The following PCDHGA1 variants were observed in gnomAD, a reference collection of about 807,000 sequenced individuals.
PCDHGA1 encodes protocadherin gamma-A1.
PCDHGA1 carries 32 observed loss-of-function variants against 58.0 expected under a neutral mutation model. That is an observed-to-expected ratio of 0.55 (90% confidence interval 0.42 to 0.74). The LOEUF (loss-of-function observed/expected upper bound fraction) is 0.74. PCDHGA1 is among the 30% of genes least tolerant of loss of function. The pLI, the probability that PCDHGA1 is intolerant of heterozygous loss-of-function variation, is 0.00. For synonymous variants in PCDHGA1, 498 were observed against 501.1 expected, an observed-to-expected ratio of 0.99 and a Z score of 0.08; for missense variants, 1,205 against 1,182.3, an observed-to-expected ratio of 1.02 and a Z score of -0.28.
rs766164142 is a variant in PCDHGA1, at chr5:141,477,910, G to T, written c.2422-16897G>T. ...TGTCACGGGTGGTAGGCTGGGACGC[G>T]GATGCAGGGCACAATGCCTGGCTCT... On this transcript the variant is annotated intron_variant, in intron 1 of 3. Transcript: ENST00000517417. This position sits in a 1 kb window ranked among gnomAD's most constrained non-coding sequence, Gnocchi z 4.9. The T allele has an allele frequency of 6.2e-7, 1 of 1,614,048 alleles. No individual in the cohort carries two copies. Among genetic ancestry groups the T allele is most frequent in the African/African-American group, 1.3e-5 (1 of 74,932 alleles).
rs1456184444 is a variant in PCDHGA1, at chr5:141,512,578, C to G, written c.*1405C>G. ...ATAGACCTTCTTCTCCCACCCCCTT[C>G]TGCCCCTGGGTCCCCGGCCATCCAG... On this transcript the variant is annotated 3_prime_UTR_variant, in exon 4 of 4. Coordinates refer to ENST00000517417, the MANE Select transcript of PCDHGA1 (RefSeq NM_018912.3). The G allele has an allele frequency of 6.5e-6, 1 of 153,062 alleles. No individual in the cohort carries two copies. The highest frequency in any genetic ancestry group is 1.5e-5 in the Non-Finnish European group (1 of 68,534). 9.5% of individuals were successfully genotyped at this position (153,062 alleles called of 1,614,324 possible). A position where few individuals can be genotyped will look rare whatever the true frequency, so the allele number is the denominator to read the frequency against.
rs200045647 is a variant in PCDHGA1, at chr5:141,490,150, G to A, written c.2422-4657G>A. 50 of 1,614,246 alleles carry A rather than the reference G, an allele frequency of 3.1e-5. No individual in the cohort carries two copies. The Admixed American group carries it at 7.7e-4, about 25-fold the overall frequency. On this transcript the variant is annotated intron_variant, in intron 1 of 3. Transcript: ENST00000517417. The surrounding 1 kb of genome is among the most constrained non-coding windows in gnomAD (Gnocchi z 5.4). ...AGACCCTAGCAGTGGGGCAATCCAT[G>A]TGTTGGGTCCCATAGACTTTGAGGA...
At chr5:141,339,679 C>A (rs780890737) in intron 1 of PCDHGA1, 2 of 1,614,156 alleles carry the variant, frequency 1.2e-6, no homozygotes, top group Non-Finnish European at 8.5e-7. Flanking sequence ...TGGATGCGAA[C>A]GACAATGCGC....
Position 141,359,394 on chromosome 5 carries a change from C to G in PCDHGA1, c.2421+26289C>G, listed in dbSNP as rs141452272. ...CAGTAGATAATTTATAACCTAAAAT[C>G]AAATTTTTTAAAAAATGTGTTTTTG... On this transcript the variant is annotated intron_variant, in intron 1 of 3. Coordinates refer to ENST00000517417, the MANE Select transcript of PCDHGA1 (RefSeq NM_018912.3). Among the ~76,000 whole-genome samples the G allele has an allele frequency of 8.6e-5, 13 of 151,974 alleles. No homozygotes were observed. In the East Asian group the frequency reaches 2.3e-3, roughly 27 times the overall value.
At chr5:141,390,632 A>G in intron 1 of PCDHGA1, 1 of 240,428 alleles carries the variant, frequency 4.2e-6, no homozygotes, top group Admixed American at 5.1e-5. Context: ...ATATATGATG[A>G]ATACTTTTTT....
chr5:141,477,719 T>C lies in PCDHGA1; in HGVS notation c.2422-17088T>C. 6.2e-7 allele frequency: 1 copy of C among 1,613,876 alleles called. No individual in the cohort carries two copies. Among genetic ancestry groups the C allele is most frequent in the Non-Finnish European group, 8.5e-7 (1 of 1,180,028 alleles). ...CTATGAGGATCGGCGGGAATTTGAA[T>C]TAACAGCTCATATCAGCGATGGGGG... On this transcript the variant is annotated intron_variant, in intron 1 of 3. Transcript: ENST00000517417. The surrounding 1 kb of genome is among the most constrained non-coding windows in gnomAD (Gnocchi z 4.9).
At chr5:141,371,107 ACC>A in intron 1 of PCDHGA1, 1 of 1,613,650 alleles carries the variant, frequency 6.2e-7, no homozygotes, top group Non-Finnish European at 8.5e-7. Context: ...GCAAATGATA[ACC>A]CCCCAGTATT....
At chr5:141,415,135 G>A (rs1224251849) in intron 1 of PCDHGA1, 7 of 1,613,666 alleles carry the variant, frequency 4.3e-6, no homozygotes, top group East Asian at 2.2e-5. Flanking sequence ...CCAGGACCAC[G>A]GCCAGCCCCC....
chr5:141,357,267 C>T, intron 1 of PCDHGA1: 1 of 1,613,834 alleles, frequency 6.2e-7, no homozygotes, highest in Non-Finnish European at 8.5e-7. Context: ...ACTCGGGCCT[C>T]ACACTCTATC....
chr5:141,422,656 G>A (rs759548203), intron 1 of PCDHGA1: 3 of 1,609,780 alleles, frequency 1.9e-6, no homozygotes, highest in Non-Finnish European at 1.7e-6. Context: ...CTCAGTGACC[G>A]CCCTCGACCC....
chr5:141,361,965 G>C, intron 1 of PCDHGA1: 1 of 1,602,240 alleles, frequency 6.2e-7, no homozygotes, highest in Non-Finnish European at 8.5e-7. Context: ...ACGTGCTGCA[G>C]GCCAGCGAGC....
intron 1 of PCDHGA1, chr5:141,441,162 G>T (rs1009205566): frequency 6.6e-6 from 1 of 152,166 alleles, no homozygotes; most frequent in African/African-American, 2.4e-5. Context: ...TCCTAGAGGC[G>T]ATTTTTACTT....
intron 1 of PCDHGA1, chr5:141,396,092 A>G (rs1589275874): frequency 6.6e-6 from 1 of 152,314 alleles, no homozygotes; most frequent in East Asian, 1.9e-4. Context: ...AAGTGGTGAG[A>G]ATGTTGATAT....
chr5:141,472,268 A>G (rs399559), intron 1 of PCDHGA1, among the ~76,000 whole-genome samples: 152,324 of 152,332 alleles, frequency 1, 76,158 homozygotes, highest in Middle Eastern at 1. Flanking sequence ...ATAGCCGGGC[A>G]CAGTGGCTCA....
intron 1 of PCDHGA1, among the ~76,000 whole-genome samples, chr5:141,457,319 G>A (rs914658873): frequency 7.9e-5 from 12 of 152,086 alleles, no homozygotes; most frequent in East Asian, 3.8e-4. Flanking sequence ...AGAAACCTCC[G>A]GGTTACAGGT....
intron 1 of PCDHGA1, chr5:141,350,969 C>A: frequency 6.2e-7 from 1 of 1,614,098 alleles, no homozygotes; most frequent in South Asian, 1.1e-5. Context: ...TGATAATGCT[C>A]CCGTGTTTAG....
intron 1 of PCDHGA1, chr5:141,414,594 C>T: frequency 1.2e-6 from 2 of 1,613,952 alleles, no homozygotes; most frequent in Non-Finnish European, 1.7e-6. Flanking sequence ...CCAGGGGTGC[C>T]TCCATCTTCT....
chr5:141,333,376 C>A (rs975225510), intron 1 of PCDHGA1: 1 of 561,624 alleles, frequency 1.8e-6, no homozygotes, highest in African/African-American at 2.3e-5. Context: ...GGAAAGAGCA[C>A]TGCATTAGAA....
In PCDHGA1 at chr5:141,431,797, A is replaced by T. The variant is rs754056771; in HGVS notation, c.2422-63010A>T. 6.2e-7 allele frequency: 1 copy of T among 1,614,256 alleles called. No homozygotes were observed. The highest frequency in any genetic ancestry group is 2.2e-5 in the East Asian group (1 of 44,882). ...TGGACGTGAACGACAATGCCCCAGAAGTGGTCCTCACCTCTCTCGCCAGCT... is the reference window on the plus strand; with the variant it reads ...TGGACGTGAACGACAATGCCCCAGATGTGGTCCTCACCTCTCTCGCCAGCT... On this transcript the variant is annotated intron_variant, in intron 1 of 3. Coordinates refer to ENST00000517417, the MANE Select transcript of PCDHGA1 (RefSeq NM_018912.3). This position sits in a 1 kb window ranked among gnomAD's most constrained non-coding sequence, Gnocchi z 4.8.
Sources: allele counts gnomAD v4.1 joint callset (sites outside exome capture counted in the v4.1 genomes callset), GRCh38; gene constraint gnomAD v4.1.1; non-coding constraint Gnocchi (gnomAD v3.1); transcripts MANE v1.5; gene names NCBI Gene and HGNC (gene_info 2026-07-23, HGNC 2026-07-21).